The following MARCHF6 variants were observed in gnomAD, a reference collection of about 807,000 sequenced individuals.
MARCHF6 encodes the protein membrane associated ring-CH-type finger 6, also known as E3 ubiquitin-protein ligase MARCHF6.
A neutral mutation model predicts 133.7 loss-of-function variants in MARCHF6; 31 were observed. The ratio of observed to expected loss-of-function variants is 0.23; its 90% CI spans 0.17 to 0.31. MARCHF6 has a LOEUF of 0.31. Ranked by LOEUF, MARCHF6 falls within the 10% of genes least tolerant of loss-of-function variation. MARCHF6 has a pLI of 1.00. For missense variants in MARCHF6, 723 were observed against 1,121.6 expected, an observed-to-expected ratio of 0.64 and a Z score of 5.08; for synonymous variants, 395 against 402.5, an observed-to-expected ratio of 0.98 and a Z score of 0.22.
intron 9 of MARCHF6, 152 bp downstream of exon 9, chr5:10,394,937 C>G (rs947477394): frequency 4.2e-5 from 23 of 544,684 alleles, no homozygotes; most frequent in Non-Finnish European, 7.1e-5. Flanking sequence ...GTAGCTGGGA[C>G]TACAGGTGCC....
intron 7 of MARCHF6, 110 bp from the exon 8 acceptor site, chr5:10,393,972 C>T (rs1333131803): frequency 1.9e-6 from 1 of 513,528 alleles, no homozygotes; most frequent in African/African-American, 2.0e-5. Flanking sequence ...CTTAGCTTCT[C>T]AACAACAGCT....
chr5:10,401,768 G>A (rs79037639), intron 11 of MARCHF6: 2 of 443,206 alleles, frequency 4.5e-6, no homozygotes, highest in Non-Finnish European at 8.0e-6. Context: ...TAGAGGGCAG[G>A]CTGTTGTATT....
rs374532413 is a variant in MARCHF6 at position 10,400,858 on chromosome 5, T to C, written c.972+16T>C. 4 of 1,570,392 alleles carry C rather than the reference T, an allele frequency of 2.5e-6. No individual in the cohort carries two copies. Among genetic ancestry groups the C allele is most frequent in the Admixed American group, 1.7e-5 (1 of 59,800 alleles). ...TGAAGAACACGTGAGTATAATACTT[T>C]TACAAAGTTACTTTCATTCATTACT... is the stretch of plus-strand genomic sequence containing the variant. On this transcript the variant is annotated intron_variant, in intron 11 of 25. Transcript: ENST00000274140.
chr5:10,354,130 G>A (rs1184016998), intron 1 of MARCHF6: 10 of 354,044 alleles, frequency 2.8e-5, no homozygotes, highest in Non-Finnish European at 4.4e-5. Context: ...GGGGGGCGGG[G>A]ACCCTGCCGG....
chr5:10,410,167 G>C lies in MARCHF6; in HGVS notation c.1582G>C (p.Glu528Gln). 6.2e-7 allele frequency: 1 copy of C among 1,613,964 alleles called. No homozygotes were observed. Among genetic ancestry groups the C allele is most frequent in the Non-Finnish European group, 8.5e-7 (1 of 1,179,988 alleles). ...SDAPVSELSL[E>Q]LLLLQVVLPA... ...TGCTCCAGTGAGTGAACTGTCCCTC[G>C]AGCTGCTTCTGCTTCAGGTTGTCTT... is the stretch of plus-strand genomic sequence containing the variant. Residue 528 changes from glutamate to glutamine, a missense_variant, in exon 18 of 26, where the codon GAG becomes CAG. By Grantham distance (29) the Glu-to-Gln change is conservative. Transcript: ENST00000274140.
At position 10,391,739 on chromosome 5, in the gene MARCHF6, C is replaced by T; in HGVS notation, c.766+8C>T. On this transcript the variant is annotated splice_region_variant and intron_variant, in intron 7 of 25. Transcript: ENST00000274140. Reference sequence around the variant, plus strand: ...CTAATAACGGAGCCCAGGGTAATGGCTGCTTGTGTGTCCTCACTCTTCAGC... The same window carrying T: ...CTAATAACGGAGCCCAGGGTAATGGTTGCTTGTGTGTCCTCACTCTTCAGC... The T allele has an allele frequency of 6.6e-7, 1 of 1,526,014 alleles. No homozygotes were observed. Among genetic ancestry groups the T allele is most frequent in the Non-Finnish European group, 8.8e-7 (1 of 1,136,542 alleles). 94.5% of individuals were successfully genotyped at this position (1,526,014 alleles called of 1,614,324 possible).
intron 1 of MARCHF6, among the ~76,000 whole-genome samples, chr5:10,369,593 T>A (rs1736336645): frequency 2.7e-5 from 2 of 73,316 alleles, no homozygotes; most frequent in African/African-American, 4.5e-5. Flanking sequence ...AGGTATAGAA[T>A]AGTTCCATTA....
intron 1 of MARCHF6, among the ~76,000 whole-genome samples, chr5:10,368,025 TG>T (rs1218287937): frequency 6.6e-6 from 1 of 152,090 alleles, no homozygotes; most frequent in Non-Finnish European, 1.5e-5. Flanking sequence ...ACGAATCTGA[TG>T]GGGGGGAGCC....
At chr5:10,379,216 C>T (rs1324198520) in intron 3 of MARCHF6, among the ~76,000 whole-genome samples, 1 of 151,960 alleles carries the variant, frequency 6.6e-6, no homozygotes. Context: ...CCTCTTTATC[C>T]TTTTATTTTT....
chr5:10,375,382 G>C (rs1736711625), intron 1 of MARCHF6, among the ~76,000 whole-genome samples: 1 of 152,264 alleles, frequency 6.6e-6, no homozygotes, highest in Admixed American at 6.5e-5. Flanking sequence ...CCGGGCCTTA[G>C]CTGCCTTCCC....
intron 10 of MARCHF6, among the ~76,000 whole-genome samples, chr5:10,397,833 C>A (rs992598800): frequency 3.6e-4 from 55 of 152,286 alleles, no homozygotes; most frequent in African/African-American, 1.2e-3. Context: ...CCAGCACATA[C>A]AAAATCACTT....
At chr5:10,399,839 A>G (rs1738420160) in intron 10 of MARCHF6, among the ~76,000 whole-genome samples, 1 of 152,044 alleles carries the variant, frequency 6.6e-6, no homozygotes, top group Non-Finnish European at 1.5e-5. Context: ...AACTCACCCT[A>G]TTTGGCCATT....
chr5:10,407,007 G>C (rs995163989), intron 16 of MARCHF6, 95 bp from the exon 17 acceptor site: 1 of 643,150 alleles, frequency 1.6e-6, no homozygotes, highest in African/African-American at 1.8e-5. Flanking sequence ...CACAGGCCTG[G>C]ACTGCATATT....
intron 22 of MARCHF6, among the ~76,000 whole-genome samples, chr5:10,421,183 C>A (rs1043709613): frequency 6.6e-6 from 1 of 152,190 alleles, no homozygotes; most frequent in Non-Finnish European, 1.5e-5. Flanking sequence ...TATGACTCAG[C>A]AGTTTGGCTT....
rs1321319989 is a variant in MARCHF6, at chr5:10,403,544, A to G, written c.1332+3A>G. The G allele has an allele frequency of 6.8e-6, 11 of 1,608,706 alleles. No individual in the cohort carries two copies. In the South Asian group the frequency reaches 1.1e-4, roughly 16 times the overall value. ...CCTTCATTCTACTACTGAGAGAGGT[A>G]AGTCCACAGGGAAATGCTGATGCTG... On this transcript the variant is annotated splice_donor_region_variant and intron_variant, in intron 15 of 25. Transcript: ENST00000274140.
chr5:10,400,672 T>G, intron 10 of MARCHF6, 112 bp from the exon 11 acceptor site: 2 of 793,236 alleles, frequency 2.5e-6, no homozygotes, highest in East Asian at 4.9e-5. Flanking sequence ...AGCCTAGTTC[T>G]GGAATCTTTC....
chr5:10,414,594 G>T, intron 20 of MARCHF6, 92 bp downstream of exon 20: 4 of 1,039,596 alleles, frequency 3.8e-6, no homozygotes, highest in Non-Finnish European at 5.9e-6. Context: ...CCAGTCTGGA[G>T]GGTAGTAGTA....
intron 1 of MARCHF6, among the ~76,000 whole-genome samples, chr5:10,361,877 C>T (rs150152102): frequency 0.032 from 4,861 of 152,140 alleles, 256 homozygotes; most frequent in African/African-American, 0.11. Flanking sequence ...GATTCTCCTG[C>T]CTCAGCCTCC....
rs1740694912 is a variant in MARCHF6, at chr5:10,437,367, T to C, written c.*3683T>C. ...CAGTAAAGTATTATTAAAAGCCTCA[T>C]TTGTGGAGATTCGCTGACTTCCTTG... On this transcript the variant is annotated 3_prime_UTR_variant, in exon 26 of 26. Coordinates refer to ENST00000274140, the MANE Select transcript of MARCHF6 (RefSeq NM_005885.4). 6.6e-6 allele frequency: 1 copy of C among 152,204 alleles called. No homozygotes were observed. Among genetic ancestry groups the C allele is most frequent in the African/African-American group, 2.4e-5 (1 of 41,452 alleles). The allele number at this position is 152,204 out of a possible 1,614,324, so 9.4% of individuals were successfully genotyped here.
Sources: allele counts gnomAD v4.1 joint callset (sites outside exome capture counted in the v4.1 genomes callset), GRCh38; gene constraint gnomAD v4.1.1; transcripts MANE v1.5; gene names NCBI Gene and HGNC (gene_info 2026-07-23, HGNC 2026-07-21).